ATP10B: variants seen among roughly 807,000 people sequenced by gnomAD.
The protein encoded by ATP10B is ATPase phospholipid transporting 10B (putative), also known as phospholipid-transporting ATPase VB.
A neutral mutation model predicts 141.2 loss-of-function variants in ATP10B; 122 were observed. The observed-to-expected ratio is 0.86, with a 90% confidence interval of 0.75 to 1.00. The LOEUF is 1.00. ATP10B is among the 50% of genes least tolerant of loss of function. The probability of loss-of-function intolerance (pLI) is 0.00; values close to 1 mark genes in which losing one functional copy is unlikely to be tolerated. For synonymous variants in ATP10B, 685 were observed against 692.0 expected (o/e 0.99, Z 0.16); for missense variants, 1,876 against 1,825.3 (o/e 1.03, Z -0.51).
chr5:160,591,534 C>G (rs1460948632), intron 22 of ATP10B, among the ~76,000 whole-genome samples: 1 of 152,126 alleles, frequency 6.6e-6, no homozygotes, highest in Non-Finnish European at 1.5e-5. Context: ...TGCTACAAAC[C>G]TGGCAAGTGT....
chr5:160,598,000 T>C lies in ATP10B; in HGVS notation c.3564+770A>G, dbSNP rs1051884586. Among the ~76,000 whole-genome samples, 33 of 124,082 alleles carry C rather than the reference T, an allele frequency of 2.7e-4. 2 individuals are homozygous for C. The highest frequency in any genetic ancestry group is 9.4e-4 in the African/African-American group (33 of 35,234). 81.4% of individuals were successfully genotyped at this position (124,082 alleles called of 152,430 possible). A position where few individuals can be genotyped will look rare whatever the true frequency, so the allele number is the denominator to read the frequency against. On this transcript the variant is annotated intron_variant, in intron 22 of 25. Transcript: ENST00000327245. ...AGTCAGTGTGGGGATTCCTCAGGGATATAGAACTAGAAATACCATTTGACC... is the reference window on the plus strand; with the variant it reads ...AGTCAGTGTGGGGATTCCTCAGGGACATAGAACTAGAAATACCATTTGACC...
the ATP10B span, among the ~76,000 whole-genome samples, chr5:160,919,613 TTC>T: frequency 6.6e-6 from 1 of 152,214 alleles, no homozygotes; most frequent in Admixed American, 6.5e-5. Flanking sequence ...GAAAAGATGA[TTC>T]TGATTGCTGT....
At chr5:160,638,818 GTTCT>G (rs1759617634) in intron 10 of ATP10B, among the ~76,000 whole-genome samples, 1 of 152,136 alleles carries the variant, frequency 6.6e-6, no homozygotes, top group Non-Finnish European at 1.5e-5. Context: ...ATTGTCCCTG[GTTCT>G]TTCTGAGATC....
intron 24 of ATP10B, among the ~76,000 whole-genome samples, chr5:160,589,194 T>C (rs1756108329): frequency 6.6e-6 from 1 of 152,140 alleles, no homozygotes; most frequent in South Asian, 2.1e-4. Context: ...TTATTTTTAG[T>C]AGAGACGGGA....
chr5:160,605,251 G>T (rs1757315320), intron 19 of ATP10B, among the ~76,000 whole-genome samples: 1 of 152,116 alleles, frequency 6.6e-6, no homozygotes, highest in African/African-American at 2.4e-5. Flanking sequence ...GGGAGGGAGA[G>T]AATGATTCTT....
chr5:160,686,406 T>C (rs1441563298), intron 5 of ATP10B, 133 bp from the exon 6 acceptor site: 2 of 633,808 alleles, frequency 3.2e-6, no homozygotes, highest in Non-Finnish European at 5.1e-6. Flanking sequence ...ATTATGGTAA[T>C]GGATTTGAAG....
At position 160,688,024 on chromosome 5, in the gene ATP10B, T is replaced by C; in HGVS notation, c.51A>G (p.Arg17=). Residue 17 remains arginine, a synonymous_variant, in exon 5 of 26, where the codon AGA becomes AGG. Transcript: ENST00000327245. The part of the protein sequence containing the change: ...SSWHRWQWRV[R]DGFPHCPSET... Reference sequence around the variant, plus strand: ...CCGATGGACAATGGGGGAAGCCATCTCTGACTCTCCACTGCCACCGATGCC... The same window carrying C: ...CCGATGGACAATGGGGGAAGCCATCCCTGACTCTCCACTGCCACCGATGCC... 6.2e-7 allele frequency: 1 copy of C among 1,613,928 alleles called. No homozygotes were observed. The highest frequency in any genetic ancestry group is 8.5e-7 in the Non-Finnish European group (1 of 1,180,016).
chr5:160,615,911 C>T lies in ATP10B; in HGVS notation c.2580G>A (p.Glu860=). The T allele has an allele frequency of 4.3e-6, 7 of 1,613,746 alleles. No individual in the cohort carries two copies. Among genetic ancestry groups the T allele is most frequent in the Non-Finnish European group, 5.9e-6 (7 of 1,179,826 alleles). ...RRWASFRREA[E]ASLDNRDELL... ...GCTCATCTCGGTTGTCGAGGGATGC[C>T]TCAGCCTCACGCCGGAAACTGGCCC... Residue 860 remains glutamate, a synonymous_variant, in exon 17 of 26, where the codon GAG becomes GAA. Transcript: ENST00000327245.
intron 2 of ATP10B, among the ~76,000 whole-genome samples, chr5:160,775,750 G>T (rs528020853): frequency 1.5e-3 from 219 of 142,894 alleles, no homozygotes; most frequent in Middle Eastern, 8.4e-3. Context: ...GCGCGATCTC[G>T]GCTCGCTGCA....
intron 22 of ATP10B, 123 bp from the exon 23 acceptor site, chr5:160,591,262 G>A: frequency 1.4e-6 from 1 of 710,742 alleles, no homozygotes; most frequent in East Asian, 2.6e-5. Flanking sequence ...TTGTATTTGT[G>A]GTAGTAGAAT....
At chr5:160,756,798 A>G (rs1361079169) in intron 2 of ATP10B, among the ~76,000 whole-genome samples, 1 of 151,756 alleles carries the variant, frequency 6.6e-6, no homozygotes, top group East Asian at 1.9e-4. Flanking sequence ...ATTCTTCCCT[A>G]TTTTTTAATG....
intron 13 of ATP10B, among the ~76,000 whole-genome samples, chr5:160,625,279 A>G (rs900993312): frequency 6.6e-6 from 1 of 152,206 alleles, no homozygotes; most frequent in African/African-American, 2.4e-5. Flanking sequence ...GAGACTTGCT[A>G]CCACCCAGGG....
At chr5:160,797,531 GC>G (rs1453712917) in intron 1 of ATP10B, among the ~76,000 whole-genome samples, 4 of 152,126 alleles carry the variant, frequency 2.6e-5, no homozygotes, top group Non-Finnish European at 5.9e-5. Flanking sequence ...GAAAGTAGGG[GC>G]TATATTTTAT....
chr5:160,879,087 G>A, the ATP10B span, among the ~76,000 whole-genome samples: 2 of 65,056 alleles, frequency 3.1e-5, no homozygotes, highest in Non-Finnish European at 6.0e-5. Flanking sequence ...ACATGCACAC[G>A]TATGTTTATT....
upstream of ATP10B, among the ~76,000 whole-genome samples, chr5:160,853,879 C>T (rs933040092): frequency 2.6e-5 from 4 of 152,150 alleles, no homozygotes; most frequent in Admixed American, 2.0e-4. Context: ...TTAAAAATCA[C>T]ACTCACAGAG....
intron 2 of ATP10B, among the ~76,000 whole-genome samples, chr5:160,783,502 A>T (rs1770898718): frequency 7.0e-6 from 1 of 143,054 alleles, no homozygotes; most frequent in Admixed American, 7.2e-5. Context: ...GATATATATC[A>T]TATATATACT....
rs376986530 is a variant in ATP10B at position 160,738,666 on chromosome 5, T to C, written c.-330-21632A>G. On this transcript the variant is annotated intron_variant, in intron 2 of 25. Coordinates refer to ENST00000327245, the MANE Select transcript of ATP10B (RefSeq NM_025153.3). ...GAACAAATCCTTTGAAAAATATAAA[T>C]GATCAAAACAGACTGAAGAAGAAAC... Among the ~76,000 whole-genome samples the C allele has an allele frequency of 1.8e-4, 27 of 152,124 alleles. No individual in the cohort carries two copies. The East Asian group carries it at 3.5e-3, about 20-fold the overall frequency.
At chr5:160,868,498 A>G in the ATP10B span, among the ~76,000 whole-genome samples, 5 of 148,006 alleles carry the variant, frequency 3.4e-5, no homozygotes, top group African/African-American at 1.2e-4. Flanking sequence ...ACAAGAACCA[A>G]ACTTCTAAGG....
At chr5:160,631,980 A>T (rs1758966195) in intron 13 of ATP10B, 149 bp downstream of exon 13, 2 of 596,098 alleles carry the variant, frequency 3.4e-6, no homozygotes, top group Admixed American at 5.8e-5. Context: ...TATGCCAACA[A>T]AACACATGTG....
Sources: allele counts gnomAD v4.1 joint callset (sites outside exome capture counted in the v4.1 genomes callset), GRCh38; gene constraint gnomAD v4.1.1; transcripts MANE v1.5; gene names NCBI Gene and HGNC (gene_info 2026-07-23, HGNC 2026-07-21).